FBXO16: variants seen among roughly 807,000 people sequenced by gnomAD.
The protein encoded by FBXO16 is F-box only protein 16.
A neutral mutation model predicts 41.0 loss-of-function variants in FBXO16; 31 were observed. The observed-to-expected ratio is 0.76, with a 90% CI of 0.57 to 1.02. The LOEUF is 1.02. FBXO16 is among the 50% of genes least tolerant of loss of function. FBXO16 has a pLI of 0.00. For missense variants in FBXO16, 361 were observed against 346.2 expected (o/e 1.04, Z -0.34); for synonymous variants, 133 against 117.8 (o/e 1.13, Z -0.84).
rs1312786364 is a variant in FBXO16 at position 28,463,678 on chromosome 8, A to G, written c.276T>C (p.Leu92=). 1 of 1,614,226 alleles carries G rather than the reference A, an allele frequency of 6.2e-7. No individual in the cohort carries two copies. The highest frequency in any genetic ancestry group is 8.5e-7 in the Non-Finnish European group (1 of 1,180,040). Residue 92 remains leucine, a synonymous_variant, in exon 4 of 9, where the codon CTT becomes CTC. Coordinates refer to ENST00000380254, the MANE Select transcript of FBXO16 (RefSeq NM_172366.4). ...AGATGTATAAAGATAACACCCTTGG[A>G]AGCTTGGTTGTAAAGTCCAGGGCTT... ...PAEALDFTTK[L]PRVLSLYIFS...
At chr8:28,453,408 G>C (rs1247833745) in intron 5 of FBXO16, among the ~76,000 whole-genome samples, 1 of 151,894 alleles carries the variant, frequency 6.6e-6, no homozygotes, top group Non-Finnish European at 1.5e-5. Context: ...TTGAGTTGCA[G>C]AGAGGTAGAC....
At chr8:28,445,198 T>TA (rs1802844900) in intron 7 of FBXO16, among the ~76,000 whole-genome samples, 1 of 152,212 alleles carries the variant, frequency 6.6e-6, no homozygotes, top group Non-Finnish European at 1.5e-5. Context: ...AATAGACAGA[T>TA]ACAATCATGA....
Position 28,447,191 on chromosome 8 carries a change from G to A in FBXO16, c.823C>T (p.Leu275=), listed in dbSNP as rs140792800. 14 of 1,613,500 alleles carry A rather than the reference G, an allele frequency of 8.7e-6. No homozygotes were observed. In the South Asian group the frequency reaches 1.4e-4, roughly 16 times the overall value. ...KKNKLQDRTR[L]RKAQSMMSRR... is the part of the protein sequence containing the mutation. ...CTTACCATTGATTGTGCTTTTCTTA[G>A]CCTAGTTCTGTCCTGCAATTTATTT... Residue 275 remains leucine, a synonymous_variant, in exon 7 of 9, where the codon CTA becomes TTA. Coordinates refer to ENST00000380254, the MANE Select transcript of FBXO16 (RefSeq NM_172366.4).
intron 2 of FBXO16, among the ~76,000 whole-genome samples, chr8:28,478,058 T>G (rs1449624014): frequency 6.6e-6 from 1 of 152,172 alleles, no homozygotes; most frequent in African/African-American, 2.4e-5. Context: ...ACAAATTCTA[T>G]GTGTGTGACT....
chr8:28,488,516 C>T (rs890668638), intron 1 of FBXO16, among the ~76,000 whole-genome samples: 11 of 150,966 alleles, frequency 7.3e-5, no homozygotes, highest in Non-Finnish European at 1.3e-4. Context: ...GTTGCCCAAG[C>T]TGGTCTCAAA....
intron 7 of FBXO16, among the ~76,000 whole-genome samples, chr8:28,441,616 G>A (rs570578833): frequency 1.8e-4 from 28 of 151,470 alleles, no homozygotes; most frequent in Non-Finnish European, 3.5e-4. Flanking sequence ...GGTGCCTGTA[G>A]TCCCAGCTAC....
At chr8:28,430,586 A>G (rs1802591034) in intron 7 of FBXO16, among the ~76,000 whole-genome samples, 1 of 152,220 alleles carries the variant, frequency 6.6e-6, no homozygotes, top group South Asian at 2.1e-4. Flanking sequence ...TAGCAGAAGT[A>G]TTTTCATTGC....
intron 7 of FBXO16, among the ~76,000 whole-genome samples, chr8:28,430,370 G>A (rs1020894161): frequency 3.9e-5 from 6 of 152,146 alleles, no homozygotes; most frequent in African/African-American, 1.2e-4. Flanking sequence ...CACTGTGCCC[G>A]GCCAAAGCTG....
At chr8:28,438,543 C>G (rs1802718085) in intron 7 of FBXO16, among the ~76,000 whole-genome samples, 1 of 152,126 alleles carries the variant, frequency 6.6e-6, no homozygotes, top group Non-Finnish European at 1.5e-5. Flanking sequence ...TCCTTGTGGG[C>G]TCAGGGTGAT....
At chr8:28,456,684 C>T in intron 5 of FBXO16, 82 bp downstream of exon 5, 7 of 1,497,122 alleles carry the variant, frequency 4.7e-6, no homozygotes, top group Non-Finnish European at 6.4e-6. Flanking sequence ...TCCCCAACTT[C>T]CAGTCTGATC....
At chr8:28,466,588 G>A (rs955096017) in intron 3 of FBXO16, among the ~76,000 whole-genome samples, 12 of 150,874 alleles carry the variant, frequency 8.0e-5, no homozygotes, top group Admixed American at 2.6e-4. Flanking sequence ...TCAGGAGATC[G>A]AGACCATCCT....
intron 1 of FBXO16, 143 bp from the exon 2 acceptor site, chr8:28,483,605 G>A: frequency 1.7e-6 from 1 of 578,654 alleles, no homozygotes; most frequent in Non-Finnish European, 3.1e-6. Context: ...GATCACTTGA[G>A]GTCAAGGATT....
chr8:28,463,420 GTA>G (rs1463236277), intron 4 of FBXO16, among the ~76,000 whole-genome samples, 190 bp downstream of exon 4: 2 of 151,456 alleles, frequency 1.3e-5, no homozygotes, highest in African/African-American at 4.9e-5. Flanking sequence ...GTGTGTATAT[GTA>G]TGTGTGTATA....
chr8:28,452,915 A>G (rs987397936), intron 5 of FBXO16, among the ~76,000 whole-genome samples: 1 of 125,060 alleles, frequency 8.0e-6, no homozygotes, highest in Non-Finnish European at 1.7e-5. Context: ...TAAAAAAATA[A>G]AAAAAAAGAA....
chr8:28,434,753 T>C (rs935267020), intron 7 of FBXO16, among the ~76,000 whole-genome samples: 2 of 152,240 alleles, frequency 1.3e-5, no homozygotes, highest in Non-Finnish European at 2.9e-5. Flanking sequence ...CCTGCTGTGC[T>C]CAGCCCCTTG....
intron 3 of FBXO16, among the ~76,000 whole-genome samples, chr8:28,467,766 G>T: frequency 6.6e-6 from 1 of 152,140 alleles, no homozygotes; most frequent in East Asian, 1.9e-4. Flanking sequence ...CAATACTGAA[G>T]AAATCTATAA....
chr8:28,451,385 T>G (rs538767558), intron 6 of FBXO16, among the ~76,000 whole-genome samples: 9 of 151,486 alleles, frequency 5.9e-5, no homozygotes, highest in East Asian at 5.8e-4. Context: ...TTGTTGTTTT[T>G]TTTTTTTTTG....
chr8:28,480,428 C>T (rs1803492554), intron 2 of FBXO16, among the ~76,000 whole-genome samples: 1 of 152,130 alleles, frequency 6.6e-6, no homozygotes. Context: ...GGCAGGAAGA[C>T]AAGAGTCAAT....
chr8:28,446,176 C>CTTTTTTTTTTTT (rs11421643), intron 7 of FBXO16, among the ~76,000 whole-genome samples: 6 of 83,074 alleles, frequency 7.2e-5, no homozygotes, highest in African/African-American at 9.2e-5. Flanking sequence ...TGCATTTTTC[C>CTTTTTTTTTTTT]TTTTTTTTTT....
Sources: allele counts gnomAD v4.1 joint callset (sites outside exome capture counted in the v4.1 genomes callset), GRCh38; gene constraint gnomAD v4.1.1; transcripts MANE v1.5; gene names NCBI Gene and HGNC (gene_info 2026-07-23, HGNC 2026-07-21).